The following LINGO2 variants were observed in gnomAD, a reference collection of about 807,000 sequenced individuals.
LINGO2 encodes the protein leucine rich repeat and Ig domain containing 2, also known as leucine-rich repeat and immunoglobulin-like domain-containing nogo receptor-interacting protein 2.
LINGO2 carries 14 observed loss-of-function variants against 30.6 expected under a neutral mutation model. The observed-to-expected ratio is 0.46, with a 90% CI of 0.30 to 0.72. The LOEUF (loss-of-function observed/expected upper bound fraction) is 0.72. LINGO2 is among the 30% of genes least tolerant of loss of function. The probability of loss-of-function intolerance (pLI) is 0.07; values close to 1 mark genes in which losing one functional copy is unlikely to be tolerated. For missense variants in LINGO2, 729 were observed against 751.7 expected (o/e 0.97, Z 0.35); for synonymous variants, 317 against 288.5 (o/e 1.10, Z -1.00).
chr9:29,029,186 T>C, the LINGO2 span, among the ~76,000 whole-genome samples: 16 of 152,120 alleles, frequency 1.1e-4, no homozygotes, highest in Non-Finnish European at 4.4e-5. Flanking sequence ...CTCCTGCTTA[T>C]AGTGTGGTGC....
chr9:29,137,466 A>C, the LINGO2 span, among the ~76,000 whole-genome samples: 1 of 152,206 alleles, frequency 6.6e-6, no homozygotes, highest in Non-Finnish European at 1.5e-5. Flanking sequence ...ATAGGGGAGG[A>C]GAATGATTTG....
intron 1 of LINGO2, among the ~76,000 whole-genome samples, chr9:28,545,979 T>A (rs971723424): frequency 6.6e-6 from 1 of 152,110 alleles, no homozygotes; most frequent in African/African-American, 2.4e-5. Flanking sequence ...TTTTATATTC[T>A]ATGTCACTAC....
intron 2 of LINGO2, among the ~76,000 whole-genome samples, chr9:28,434,095 A>C (rs138035527): frequency 6.6e-6 from 1 of 151,896 alleles, no homozygotes; most frequent in African/African-American, 2.4e-5. Context: ...GAAGTAATTC[A>C]GGATTGGAAA....
At chr9:28,867,636 C>T in the LINGO2 span, among the ~76,000 whole-genome samples, 1 of 152,156 alleles carries the variant, frequency 6.6e-6, no homozygotes, top group Non-Finnish European at 1.5e-5. Flanking sequence ...ATGTGTATTA[C>T]TTCATTTATT....
At chr9:28,885,525 A>C in the LINGO2 span, among the ~76,000 whole-genome samples, 2 of 151,336 alleles carry the variant, frequency 1.3e-5, no homozygotes, top group African/African-American at 4.8e-5. Context: ...TACATATGAC[A>C]ACATATAAAC....
intron 4 of LINGO2, among the ~76,000 whole-genome samples, chr9:28,206,164 CAAAAAAAAAAAAA>C (rs34169188): frequency 4.1e-5 from 3 of 73,532 alleles, no homozygotes; most frequent in African/African-American, 5.7e-5. Context: ...GACCCTGTTT[CAAAAAAAAAAAAA>C]AAAAAAAAAA....
chr9:28,377,427 A>T (rs1821173100), intron 2 of LINGO2, among the ~76,000 whole-genome samples: 2 of 152,228 alleles, frequency 1.3e-5, no homozygotes, highest in African/African-American at 4.8e-5. Flanking sequence ...TACATATAAT[A>T]TACAAAAGAT....
chr9:29,114,946 T>G, the LINGO2 span, among the ~76,000 whole-genome samples: 4 of 151,604 alleles, frequency 2.6e-5, no homozygotes, highest in African/African-American at 9.7e-5. Flanking sequence ...AAACTTATGT[T>G]GGAAAATAAA....
intron 1 of LINGO2, among the ~76,000 whole-genome samples, chr9:28,606,728 A>G (rs1236283681): frequency 1.3e-5 from 2 of 152,076 alleles, no homozygotes; most frequent in Non-Finnish European, 2.9e-5. Flanking sequence ...ACAACTAGCT[A>G]TTGTCAACAT....
chr9:28,401,515 T>C (rs1822264735), intron 2 of LINGO2, among the ~76,000 whole-genome samples: 1 of 152,182 alleles, frequency 6.6e-6, no homozygotes, highest in Non-Finnish European at 1.5e-5. Context: ...ATGTACCAAA[T>C]TTTTTTATCC....
At chr9:28,353,576 A>C (rs1055541718) in intron 3 of LINGO2, among the ~76,000 whole-genome samples, 38 of 150,930 alleles carry the variant, frequency 2.5e-4, no homozygotes, top group Middle Eastern at 3.4e-3. Flanking sequence ...TAGTTCAACC[A>C]TTGTGGAAGT....
At chr9:28,560,980 C>A (rs1346872446) in intron 1 of LINGO2, among the ~76,000 whole-genome samples, 1 of 152,008 alleles carries the variant, frequency 6.6e-6, no homozygotes, top group Non-Finnish European at 1.5e-5. Context: ...TGGCCTCATT[C>A]TTCTTCTTAA....
At chr9:28,970,182 G>A in the LINGO2 span, among the ~76,000 whole-genome samples, 1 of 152,118 alleles carries the variant, frequency 6.6e-6, no homozygotes, top group African/African-American at 2.4e-5. Context: ...GAGAAAAGAA[G>A]AGTGAGCAAA....
chr9:28,093,857 T>A (rs559388615), intron 4 of LINGO2, among the ~76,000 whole-genome samples: 5 of 151,886 alleles, frequency 3.3e-5, no homozygotes, highest in South Asian at 2.1e-4. Context: ...TTTTTTTTTT[T>A]ATTTAACCAT....
In LINGO2 at chr9:28,055,300, T is replaced by C. The variant is rs116363319; in HGVS notation, c.-86-42895A>G. Among the ~76,000 whole-genome samples the C allele has an allele frequency of 4.5e-3, 689 of 152,268 alleles. 9 individuals are homozygous for C. The highest frequency in any genetic ancestry group is 0.015 in the African/African-American group (640 of 41,562). On this transcript the variant is annotated intron_variant, in intron 4 of 5. Transcript: ENST00000379992. Reference sequence around the variant, plus strand: ...AGTTGCTTATAACATGTGTTTTAAATGGCTTAGTAATTTCTTGATAGAACA... The same window carrying C: ...AGTTGCTTATAACATGTGTTTTAAACGGCTTAGTAATTTCTTGATAGAACA...
intron 3 of LINGO2, among the ~76,000 whole-genome samples, chr9:28,372,305 C>A (rs1027357042): frequency 6.6e-6 from 1 of 152,154 alleles, no homozygotes; most frequent in African/African-American, 2.4e-5. Flanking sequence ...GGATATATTT[C>A]TCTCTGCTAC....
the LINGO2 span, among the ~76,000 whole-genome samples, chr9:29,116,286 C>T: frequency 3.9e-5 from 6 of 152,056 alleles, no homozygotes; most frequent in African/African-American, 1.2e-4. Flanking sequence ...AAAAAGAATA[C>T]TGACAAAATG....
intron 4 of LINGO2, among the ~76,000 whole-genome samples, chr9:28,054,872 C>T (rs1032809014): frequency 2.6e-5 from 4 of 151,980 alleles, no homozygotes; most frequent in Non-Finnish European, 5.9e-5. Flanking sequence ...AGAAATGGAG[C>T]CTTTTCAAAT....
At chr9:28,752,993 C>T in the LINGO2 span, among the ~76,000 whole-genome samples, 18 of 152,220 alleles carry the variant, frequency 1.2e-4, no homozygotes, top group Middle Eastern at 3.4e-3. Context: ...CACATCATCA[C>T]TTCCAGGCCA....
Sources: allele counts gnomAD v4.1 joint callset (sites outside exome capture counted in the v4.1 genomes callset), GRCh38; gene constraint gnomAD v4.1.1; transcripts MANE v1.5; gene names NCBI Gene and HGNC (gene_info 2026-07-23, HGNC 2026-07-21).